NGFR: variants seen among roughly 807,000 people sequenced by gnomAD.
The protein encoded by NGFR is tumor necrosis factor receptor superfamily member 16.
Under a neutral mutation model 43.2 loss-of-function variants are expected in NGFR, and 30 were observed. The ratio of observed to expected loss-of-function variants is 0.69; its 90% confidence interval spans 0.52 to 0.94. The LOEUF (loss-of-function observed/expected upper bound fraction) is 0.94, where lower values mean the gene tolerates loss of function less well. Among genes scored for constraint, NGFR ranks in the 40% least tolerant of loss-of-function variants. The pLI, the probability that NGFR is intolerant of heterozygous loss-of-function variation, is 0.00. For synonymous variants in NGFR, 246 were observed against 259.6 expected, an observed-to-expected ratio of 0.95 and a Z score of 0.50; for missense variants, 529 against 602.5, an observed-to-expected ratio of 0.88 and a Z score of 1.28.
rs2071239673 is a variant in NGFR at position 49,512,441 on chromosome 17, C to T, written c.983-267C>T. 6.6e-6 allele frequency among the ~76,000 whole-genome samples: 1 copy of T among 152,176 alleles called. No individual in the cohort carries two copies. Among genetic ancestry groups the T allele is most frequent in the South Asian group, 2.1e-4 (1 of 4,834 alleles). On this transcript the variant is annotated intron_variant, in intron 5 of 5. Coordinates refer to ENST00000172229, the MANE Select transcript of NGFR (RefSeq NM_002507.4). The surrounding 1 kb of genome is among the most constrained non-coding windows in gnomAD (Gnocchi z 5.2). ...TGTAGTTGTCTAGAACTGAGAAGCC[C>T]TATCTCCTCCTCTGCCATGATTAAT...
chr17:49,513,034 G>A lies in NGFR; in HGVS notation c.*25G>A, dbSNP rs3729672. On this transcript the variant is annotated 3_prime_UTR_variant, in exon 6 of 6. Coordinates refer to ENST00000172229, the MANE Select transcript of NGFR (RefSeq NM_002507.4). The stretch of plus-strand genomic sequence containing the variant: ...AGCCCAACCGGGGAGCCCCCGCCCC[G>A]CCCCACATTCCGACAACCGATGCTC... The A allele has an allele frequency of 5.2e-4, 774 of 1,486,228 alleles. 1 individual carries two copies. The African/African-American group carries it at 8.5e-3, about 16-fold the overall frequency. The allele number at this position is 1,486,228 out of a possible 1,614,324, so 92.1% of individuals were successfully genotyped here. A position where few individuals can be genotyped will look rare whatever the true frequency, so the allele number is the denominator to read the frequency against.
chr17:49,511,153 G>A (rs1358960472), intron 4 of NGFR: 1 of 152,424 alleles, frequency 6.6e-6, no homozygotes, highest in Non-Finnish European at 1.4e-5. Flanking sequence ...TAACACATCC[G>A]TGTTTAGGAA....
At chr17:49,506,248 C>T (rs1411678659) in intron 2 of NGFR, 51 bp from the exon 3 acceptor site, 2 of 1,508,212 alleles carry the variant, frequency 1.3e-6, no homozygotes, top group Non-Finnish European at 1.8e-6. Flanking sequence ...GCTCCTGCGT[C>T]CCGGGTGCCC....
intron 2 of NGFR, among the ~76,000 whole-genome samples, chr17:49,503,171 T>G (rs2071177676): frequency 6.6e-6 from 1 of 152,078 alleles, no homozygotes; most frequent in Non-Finnish European, 1.5e-5. Flanking sequence ...CCACCTGCCT[T>G]AGCCTCCCAA....
chr17:49,511,537 GT>G (rs1240741581), intron 4 of NGFR, among the ~76,000 whole-genome samples: 1 of 144,358 alleles, frequency 6.9e-6, no homozygotes, highest in Admixed American at 7.0e-5. Context: ...TTTTTTTCCA[GT>G]TTTTTGTTAT....
rs551650324 is a variant in NGFR at position 49,508,264 on chromosome 17, G to A, written c.568+1606G>A. ...CAGACCAGCCAGCTGGGGGCGGGGC[G>A]GGGGGACTTGGGGGCGCTGCTAGAG... is the stretch of plus-strand genomic sequence containing the variant. On this transcript the variant is annotated intron_variant, in intron 3 of 5. Transcript: ENST00000172229. Among the ~76,000 whole-genome samples, 4 of 152,300 alleles carry A rather than the reference G, an allele frequency of 2.6e-5. No homozygotes were observed. In the East Asian group the frequency reaches 5.8e-4, roughly 22 times the overall value.
chr17:49,497,317 T>A (rs2071144361), intron 1 of NGFR: 2 of 152,300 alleles, frequency 1.3e-5, no homozygotes, highest in African/African-American at 4.8e-5. Flanking sequence ...TCCGGGGATT[T>A]GGGAGCGACC....
At chr17:49,506,958 G>T (rs1477135031) in intron 3 of NGFR, among the ~76,000 whole-genome samples, 1 of 152,134 alleles carries the variant, frequency 6.6e-6, no homozygotes, top group African/African-American at 2.4e-5. Flanking sequence ...CTCATCCTCC[G>T]GGACGCATTT....
At position 49,506,548 on chromosome 17, in the gene NGFR, C is replaced by A; in HGVS notation, c.458C>A (p.Thr153Lys). The change falls in exon 3 of 6, where the codon ACG becomes AAG. Residue 153 changes from threonine (T) to lysine (K), a missense_variant. Coordinates refer to ENST00000172229, the MANE Select transcript of NGFR (RefSeq NM_002507.4). Reference protein sequence around the residue: ...NTVCEECPDGTYSDEANHVDP... With the variant: ...NTVCEECPDGKYSDEANHVDP... The stretch of plus-strand genomic sequence containing the variant: ...GTGTGCGAGGAGTGCCCCGACGGCA[C>A]GTATTCCGACGAGGCCAACCACGTG... 6.2e-7 allele frequency: 1 copy of A among 1,611,570 alleles called. No individual in the cohort carries two copies. Among genetic ancestry groups the A allele is most frequent in the Non-Finnish European group, 8.5e-7 (1 of 1,179,560 alleles).
Position 49,506,469 on chromosome 17 carries a change from G to C in NGFR, c.379G>C (p.Val127Leu). 4 of 1,609,884 alleles carry C rather than the reference G, an allele frequency of 2.5e-6. No homozygotes were observed. The highest frequency in any genetic ancestry group is 2.2e-5 in the South Asian group (2 of 90,970). Residue 127 changes from valine to leucine, a missense_variant, in exon 3 of 6, where the codon GTG becomes CTG. Physicochemically the swap from Val to Leu is conservative, Grantham distance 32 (BLOSUM62 1). Transcript: ENST00000172229. Reference sequence around the variant, plus strand: ...GACTGGGCGCTGCGAGGCGTGCCGCGTGTGCGAGGCGGGCTCGGGCCTCGT... The same window carrying C: ...GACTGGGCGCTGCGAGGCGTGCCGCCTGTGCGAGGCGGGCTCGGGCCTCGT... ...ETTGRCEACRVCEAGSGLVFS... is the reference protein window; with the variant it reads ...ETTGRCEACRLCEAGSGLVFS...
intron 1 of NGFR, 132 bp from the exon 2 acceptor site, chr17:49,501,931 T>G: frequency 3.0e-5 from 25 of 840,088 alleles, no homozygotes; most frequent in Non-Finnish European, 4.2e-5. Context: ...GCCTCCCTGG[T>G]GAGCTCATCC....
intron 1 of NGFR, among the ~76,000 whole-genome samples, chr17:49,498,352 A>T (rs1054927930): frequency 6.6e-6 from 1 of 152,160 alleles, no homozygotes; most frequent in Non-Finnish European, 1.5e-5. Context: ...TATCTTGGGT[A>T]ATTAGCTCCT....
chr17:49,512,665 G>A lies in NGFR; in HGVS notation c.983-43G>A, dbSNP rs1243498839. On this transcript the variant is annotated intron_variant, in intron 5 of 5. Transcript: ENST00000172229. This position sits in a 1 kb window ranked among gnomAD's most constrained non-coding sequence, Gnocchi z 5.2. The stretch of plus-strand genomic sequence containing the variant: ...CCCCAGTGCCCACTGTTGGGGAAAG[G>A]AGTTCAGGGGTAGGACCTGACTCTC... 6.5e-7 allele frequency: 1 copy of A among 1,531,934 alleles called. No homozygotes were observed. The allele number at this position is 1,531,934 out of a possible 1,614,324, so 94.9% of individuals were successfully genotyped here.
At chr17:49,504,885 C>T (rs574923281) in intron 2 of NGFR, among the ~76,000 whole-genome samples, 6 of 151,604 alleles carry the variant, frequency 4.0e-5, no homozygotes, top group African/African-American at 1.5e-4. Context: ...AATCCTCCCA[C>T]CTCAGCTTCC....
chr17:49,502,824 CTT>C (rs1218222627), intron 2 of NGFR, among the ~76,000 whole-genome samples: 321 of 119,468 alleles, frequency 2.7e-3, no homozygotes, highest in African/African-American at 0.01. Flanking sequence ...TTCTTCCTTC[CTT>C]CCTTCCTTCC....
chr17:49,505,053 T>C (rs183663060), intron 2 of NGFR, among the ~76,000 whole-genome samples: 1 of 152,034 alleles, frequency 6.6e-6, no homozygotes, highest in Non-Finnish European at 1.5e-5. Flanking sequence ...ATTACAGGAG[T>C]GAGCCACCAC....
At chr17:49,500,447 A>G (rs79814580) in intron 1 of NGFR, among the ~76,000 whole-genome samples, 6,419 of 152,276 alleles carry the variant, frequency 0.042, 474 homozygotes, top group African/African-American at 0.15. Context: ...TGACAGTCCA[A>G]TGAGGGAGTC....
intron 2 of NGFR, 51 bp downstream of exon 2, chr17:49,502,255 GA>G (rs2071171573): frequency 1.3e-6 from 2 of 1,541,596 alleles, no homozygotes. Context: ...GGAGGGAGGA[GA>G]GGGGTGAAAG....
intron 3 of NGFR, among the ~76,000 whole-genome samples, chr17:49,507,957 C>T (rs2071209662): frequency 6.6e-6 from 1 of 152,220 alleles, no homozygotes; most frequent in African/African-American, 2.4e-5. Flanking sequence ...CCTGGGGACC[C>T]TCCAGTCTGA....
Sources: allele counts gnomAD v4.1 joint callset (sites outside exome capture counted in the v4.1 genomes callset), GRCh38; gene constraint gnomAD v4.1.1; non-coding constraint Gnocchi (gnomAD v3.1); transcripts MANE v1.5; gene names NCBI Gene and HGNC (gene_info 2026-07-23, HGNC 2026-07-21).